RPGRIP1: variants seen among roughly 807,000 people sequenced by gnomAD.
The protein encoded by RPGRIP1 is X-linked retinitis pigmentosa GTPase regulator-interacting protein 1.
A neutral mutation model predicts 157.9 loss-of-function variants in RPGRIP1; 128 were observed. The observed-to-expected ratio is 0.81, with a 90% CI of 0.70 to 0.94. The LOEUF (loss-of-function observed/expected upper bound fraction) is 0.94, where lower values mean the gene tolerates loss of function less well. Ranked by LOEUF, RPGRIP1 falls within the 40% of genes least tolerant of loss-of-function variation. The pLI is 0.00. For synonymous variants in RPGRIP1, 554 were observed against 571.6 expected (o/e 0.97, Z 0.44); for missense variants, 1,486 against 1,545.8 (o/e 0.96, Z 0.65).
At chr14:21,324,028 G>T (rs1761928039) in intron 14 of RPGRIP1, 1 of 156,996 alleles carries the variant, frequency 6.4e-6, no homozygotes, top group Non-Finnish European at 1.4e-5. Context: ...CCTCTTTCCA[G>T]TAAGTCTCTT....
intron 2 of RPGRIP1, 66 bp downstream of exon 2, chr14:21,288,127 G>A: frequency 9.6e-7 from 1 of 1,040,830 alleles, no homozygotes; most frequent in Non-Finnish European, 1.5e-6. Context: ...GGAACATCTT[G>A]CTGGCCTTCA....
chr14:21,321,013 G>A (rs1420351249), intron 12 of RPGRIP1, among the ~76,000 whole-genome samples: 1 of 152,140 alleles, frequency 6.6e-6, no homozygotes, highest in African/African-American at 2.4e-5. Context: ...TTTCAGATGA[G>A]GACTTGAAAA....
chr14:21,350,177 A>C (rs901116036), intron 24 of RPGRIP1, among the ~76,000 whole-genome samples: 4 of 152,126 alleles, frequency 2.6e-5, no homozygotes, highest in African/African-American at 9.7e-5. Flanking sequence ...GGAGTTCGAG[A>C]CCAGCCTGGC....
chr14:21,334,089 A>G (rs1014810076), intron 20 of RPGRIP1, among the ~76,000 whole-genome samples: 5 of 151,774 alleles, frequency 3.3e-5, no homozygotes, highest in Admixed American at 6.6e-5. Context: ...AGCCAGGCTA[A>G]TTTTGCATTT....
chr14:21,336,993 T>C (rs1016596730), intron 21 of RPGRIP1, among the ~76,000 whole-genome samples: 1 of 152,224 alleles, frequency 6.6e-6, no homozygotes, highest in Non-Finnish European at 1.5e-5. Context: ...ATTATCAAGT[T>C]AAACGTACAA....
At chr14:21,343,866 GTTTTTTTTTTTTTTTTTTTTTTTTTTTTT>G (rs67535379) in intron 22 of RPGRIP1, among the ~76,000 whole-genome samples, 2 of 50,422 alleles carry the variant, frequency 4.0e-5, no homozygotes, top group Non-Finnish European at 7.2e-5. Flanking sequence ...CTCTTTTCCT[GTTTTTTTTTTTTTTTTTTTTTTTTTTTTT>G]TTTTTTTTTT....
chr14:21,336,499 C>T (rs1884378864), intron 21 of RPGRIP1, among the ~76,000 whole-genome samples: 1 of 152,214 alleles, frequency 6.6e-6, no homozygotes, highest in Admixed American at 6.5e-5. Flanking sequence ...CTTGCCACTG[C>T]ACTCTAGCTT....
chr14:21,282,295 G>A (rs973445177), intron 1 of RPGRIP1, among the ~76,000 whole-genome samples: 5 of 151,862 alleles, frequency 3.3e-5, no homozygotes, highest in African/African-American at 4.8e-5. Flanking sequence ...GGAGTGCAGT[G>A]GCGTGATCTC....
At chr14:21,284,860 A>C (rs761029609) in intron 1 of RPGRIP1, among the ~76,000 whole-genome samples, 1 of 152,026 alleles carries the variant, frequency 6.6e-6, no homozygotes, top group Admixed American at 6.6e-5. Flanking sequence ...CTGAGACATA[A>C]ATTTTGGAGA....
chr14:21,295,478 ATTTTTTTT>A (rs11342361), intron 3 of RPGRIP1, among the ~76,000 whole-genome samples: 61,273 of 119,136 alleles, frequency 0.51, 14,104 homozygotes, highest in South Asian at 0.63. Flanking sequence ...TATTTTTGAG[ATTTTTTTT>A]TTTTTTTTTT....
chr14:21,286,297 T>C (rs1461106022), intron 1 of RPGRIP1, among the ~76,000 whole-genome samples: 1 of 151,832 alleles, frequency 6.6e-6, no homozygotes, highest in Non-Finnish European at 1.5e-5. Context: ...GGCTGATACA[T>C]GTTTTAAAGG....
At position 21,294,751 on chromosome 14, in the gene RPGRIP1, C is replaced by T. The variant is rs1476752302; in HGVS notation, c.160C>T (p.Arg54Cys). 1.1e-5 allele frequency: 17 copies of T among 1,609,538 alleles called. No homozygotes were observed. The highest frequency in any genetic ancestry group is 3.4e-5 in the Admixed American group (2 of 59,662). The change falls in exon 3 of 25, where the codon CGC becomes TGC. Residue 54 changes from arginine to cysteine, a missense_variant. By Grantham distance (180) the Arg-to-Cys change is radical. Coordinates refer to ENST00000400017, the MANE Select transcript of RPGRIP1 (RefSeq NM_020366.4). Reference protein sequence around the residue: ...EELEDSFFRLREDHMLVKELS... With the variant: ...EELEDSFFRLCEDHMLVKELS... ...ATTGGAGGACAGTTTCTTTCGACTT[C>T]GCGAAGATCACATGTTGGTGAAGGA...
rs948380745 is a variant in RPGRIP1 at position 21,280,347 on chromosome 14, G to T, written c.-39+188G>T. On this transcript the variant is annotated intron_variant, in intron 1 of 24. Transcript: ENST00000400017. ...CAACCTCTGCCTCCCAGGTTCAAGC[G>T]ATTCTCCTGCCTCAGCCTCCCAAGT... Among the ~76,000 whole-genome samples the T allele has an allele frequency of 2.0e-5, 3 of 147,852 alleles. No homozygotes were observed. In the East Asian group the frequency reaches 6.1e-4, roughly 30 times the overall value.
In RPGRIP1 at chr14:21,298,715, G is replaced by T. The variant is rs180774284; in HGVS notation, c.219-2251G>T. On this transcript the variant is annotated intron_variant, in intron 3 of 24. Transcript: ENST00000400017. ...CCAGTACTTTGGGAAGCCAAGGCGG[G>T]TAGATCACTAGGTCCGGAGTTCAAG... Among the ~76,000 whole-genome samples the T allele has an allele frequency of 1.3e-3, 199 of 152,028 alleles. 1 individual carries two copies. The highest frequency in any genetic ancestry group is 4.7e-3 in the African/African-American group (193 of 41,492).
At chr14:21,291,524 T>C (rs1056673140) in intron 2 of RPGRIP1, among the ~76,000 whole-genome samples, 6 of 151,950 alleles carry the variant, frequency 3.9e-5, no homozygotes, top group African/African-American at 1.4e-4. Flanking sequence ...TTAGGTTTCA[T>C]TACAAACATG....
intron 23 of RPGRIP1, among the ~76,000 whole-genome samples, chr14:21,347,386 A>G (rs1885673117): frequency 6.6e-6 from 1 of 152,224 alleles, no homozygotes; most frequent in African/African-American, 2.4e-5. Context: ...TTTCCTATGC[A>G]AATTGGGATG....
chr14:21,302,865 GTTTT>G (rs59447072), intron 5 of RPGRIP1: 10 of 88,266 alleles, frequency 1.1e-4, no homozygotes, highest in East Asian at 3.6e-4. Flanking sequence ...CCTTTGTTGT[GTTTT>G]TTTTTTTTTT....
At chr14:21,341,726 G>C (rs957925715) in intron 21 of RPGRIP1, among the ~76,000 whole-genome samples, 2 of 152,130 alleles carry the variant, frequency 1.3e-5, no homozygotes, top group African/African-American at 2.4e-5. Flanking sequence ...AGAAAGGACA[G>C]GGTGATGGCA....
At chr14:21,290,362 T>C (rs938040331) in intron 2 of RPGRIP1, among the ~76,000 whole-genome samples, 10 of 152,192 alleles carry the variant, frequency 6.6e-5, no homozygotes, top group Admixed American at 1.3e-4. Context: ...TGTTATCTCA[T>C]TGTATTTTTA....
Sources: allele counts gnomAD v4.1 joint callset (sites outside exome capture counted in the v4.1 genomes callset), GRCh38; gene constraint gnomAD v4.1.1; transcripts MANE v1.5; gene names NCBI Gene and HGNC (gene_info 2026-07-23, HGNC 2026-07-21).